PCDH9: variants seen among roughly 807,000 people sequenced by gnomAD.
The protein encoded by PCDH9 is protocadherin 9.
PCDH9 carries 24 observed loss-of-function variants against 70.6 expected under a neutral mutation model. The ratio of observed to expected loss-of-function variants is 0.34; its 90% confidence interval spans 0.25 to 0.48. The LOEUF is 0.48. Ranked by LOEUF, PCDH9 falls within the 20% of genes least tolerant of loss-of-function variation. The pLI is 0.99. For synonymous variants in PCDH9, 562 were observed against 558.5 expected, an observed-to-expected ratio of 1.01 and a Z score of -0.09; for missense variants, 1,281 against 1,503.6, an observed-to-expected ratio of 0.85 and a Z score of 2.45.
chr13:66,374,794 G>A lies in PCDH9; in HGVS notation c.3341-69766C>T, dbSNP rs528567551. The stretch of plus-strand genomic sequence containing the variant: ...AACTGTCACTAACTGCAGGGTATAT[G>A]TCTATAAAACAGAATATATTCCTTT... On this transcript the variant is annotated intron_variant, in intron 4 of 4. Transcript: ENST00000377865. 3.9e-5 allele frequency among the ~76,000 whole-genome samples: 6 copies of A among 152,144 alleles called. No individual in the cohort carries two copies. The South Asian group carries it at 1.2e-3, about 32-fold the overall frequency.
chr13:67,071,291 A>C (rs1594470239), intron 2 of PCDH9, among the ~76,000 whole-genome samples: 1 of 152,218 alleles, frequency 6.6e-6, no homozygotes, highest in East Asian at 1.9e-4. Flanking sequence ...TCACAAAAGA[A>C]GAAACATAAA....
At chr13:66,932,599 A>G (rs1452363011) in intron 2 of PCDH9, among the ~76,000 whole-genome samples, 1 of 150,612 alleles carries the variant, frequency 6.6e-6, no homozygotes, top group Non-Finnish European at 1.5e-5. Flanking sequence ...TTCACTTTTG[A>G]AAGTTTGGGG....
At chr13:67,196,534 A>G (rs2089069118) in intron 2 of PCDH9, among the ~76,000 whole-genome samples, 1 of 152,132 alleles carries the variant, frequency 6.6e-6, no homozygotes, top group Non-Finnish European at 1.5e-5. Flanking sequence ...AGTTAGAGAA[A>G]ACTACTTATA....
intron 4 of PCDH9, among the ~76,000 whole-genome samples, chr13:66,488,039 A>G (rs1196106968): frequency 6.6e-6 from 1 of 152,178 alleles, no homozygotes; most frequent in Non-Finnish European, 1.5e-5. Context: ...AACCATACAC[A>G]GCATCCAACA....
At chr13:66,511,600 C>T (rs571246431) in intron 4 of PCDH9, among the ~76,000 whole-genome samples, 5 of 151,998 alleles carry the variant, frequency 3.3e-5, no homozygotes, top group Non-Finnish European at 5.9e-5. Flanking sequence ...GAAATGTAAT[C>T]CTTAATGTTA....
chr13:66,694,311 G>C (rs2078528368), intron 3 of PCDH9, among the ~76,000 whole-genome samples: 2 of 152,154 alleles, frequency 1.3e-5, no homozygotes, highest in African/African-American at 2.4e-5. Context: ...GATCAACATA[G>C]ACTAAAATAT....
chr13:67,065,947 G>A (rs9540987), intron 2 of PCDH9, among the ~76,000 whole-genome samples: 21 of 152,072 alleles, frequency 1.4e-4, no homozygotes, highest in African/African-American at 4.6e-4. Flanking sequence ...ATCATGATTC[G>A]AAAAGAGTCA....
intron 4 of PCDH9, among the ~76,000 whole-genome samples, chr13:66,506,108 T>C (rs1959210818): frequency 6.6e-6 from 1 of 152,212 alleles, no homozygotes; most frequent in Non-Finnish European, 1.5e-5. Context: ...TTAGACTATG[T>C]GATTCTAGAG....
intron 4 of PCDH9, among the ~76,000 whole-genome samples, chr13:66,574,754 C>T (rs1451384738): frequency 6.6e-6 from 1 of 152,168 alleles, no homozygotes; most frequent in Non-Finnish European, 1.5e-5. Context: ...TCATTCTCGC[C>T]CTTCAACAAA....
intron 4 of PCDH9, among the ~76,000 whole-genome samples, chr13:66,449,652 A>G (rs1293075280): frequency 6.6e-6 from 1 of 152,214 alleles, no homozygotes; most frequent in African/African-American, 2.4e-5. Context: ...AAATGCATAC[A>G]TAAGATCAAG....
chr13:66,542,501 T>A (rs74500198), intron 4 of PCDH9, among the ~76,000 whole-genome samples: 14,720 of 151,812 alleles, frequency 0.097, 879 homozygotes, highest in Middle Eastern at 0.13. Context: ...AAAGAAGAAG[T>A]TCTACTTCCA....
chr13:66,849,517 T>TATATATATATATAGAG (rs1272589939), intron 3 of PCDH9, among the ~76,000 whole-genome samples: 8 of 63,574 alleles, frequency 1.3e-4, no homozygotes, highest in Non-Finnish European at 2.1e-4. Context: ...TATATATATA[T>TATATATATATATAGAG]AGAGAGAGAG....
intron 2 of PCDH9, among the ~76,000 whole-genome samples, chr13:66,956,400 A>G (rs1202720133): frequency 1.3e-5 from 2 of 152,186 alleles, no homozygotes; most frequent in Non-Finnish European, 2.9e-5. Context: ...AAGTATTTTT[A>G]AAAAGGTGAG....
chr13:66,692,061 T>C (rs1331879416), intron 3 of PCDH9, among the ~76,000 whole-genome samples: 1 of 152,150 alleles, frequency 6.6e-6, no homozygotes, highest in Non-Finnish European at 1.5e-5. Context: ...ACATGGTGTA[T>C]AAATCAGTTG....
chr13:67,055,708 C>T (rs778909136), intron 2 of PCDH9, among the ~76,000 whole-genome samples: 7 of 151,706 alleles, frequency 4.6e-5, no homozygotes, highest in Non-Finnish European at 8.8e-5. Flanking sequence ...GCTGAAGTGG[C>T]GGGATGCCAT....
chr13:66,988,029 A>C (rs757430524), intron 2 of PCDH9, among the ~76,000 whole-genome samples: 3 of 151,854 alleles, frequency 2.0e-5, no homozygotes, highest in Non-Finnish European at 4.4e-5. Context: ...CTTCCCTGGT[A>C]GATGGAACTA....
At chr13:66,771,638 G>A (rs1175902288) in intron 3 of PCDH9, among the ~76,000 whole-genome samples, 3 of 152,180 alleles carry the variant, frequency 2.0e-5, no homozygotes, top group Non-Finnish European at 4.4e-5. Context: ...GTGAGGTAAG[G>A]AGGCAGTATA....
intron 4 of PCDH9, among the ~76,000 whole-genome samples, chr13:66,541,908 A>G (rs1960972920): frequency 6.6e-6 from 1 of 152,122 alleles, no homozygotes; most frequent in Admixed American, 6.6e-5. Context: ...GTTTATCTGT[A>G]AATTGATTAC....
intron 3 of PCDH9, among the ~76,000 whole-genome samples, chr13:66,850,069 T>TGTA (rs1594147971): frequency 2.0e-5 from 3 of 152,238 alleles, no homozygotes; most frequent in South Asian, 2.1e-4. Context: ...AAATTATTGT[T>TGTA]ATAATAATAC....
Sources: gnomAD v4.1 joint callset for allele counts (sites outside exome capture counted in the v4.1 genomes callset) on GRCh38, gnomAD v4.1.1 for gene constraint, MANE v1.5 for transcripts, NCBI Gene and HGNC (gene_info 2026-07-23, HGNC 2026-07-21) for gene names.